The following MAP7 variants were observed in gnomAD, a reference collection of about 807,000 sequenced individuals.
MAP7 encodes microtubule associated protein 7.
Under a neutral mutation model 94.8 loss-of-function variants are expected in MAP7, and 52 were observed. The ratio of observed to expected loss-of-function variants is 0.55; its 90% CI spans 0.44 to 0.69. MAP7 has a LOEUF of 0.69. MAP7 is among the 30% of genes least tolerant of loss of function. MAP7 has a pLI of 0.00. For synonymous variants in MAP7, 350 were observed against 357.0 expected (o/e 0.98, Z 0.22); for missense variants, 940 against 964.6 (o/e 0.97, Z 0.34).
chr6:136,349,467 G>A (rs762965090), intron 16 of MAP7, among the ~76,000 whole-genome samples: 6 of 151,984 alleles, frequency 3.9e-5, no homozygotes, highest in Non-Finnish European at 8.8e-5. Context: ...TCAATTCCCT[G>A]GGCTCAGGCG....
intron 7 of MAP7, among the ~76,000 whole-genome samples, chr6:136,374,393 A>G (rs1775473935): frequency 6.6e-6 from 1 of 152,204 alleles, no homozygotes; most frequent in Non-Finnish European, 1.5e-5. Context: ...TGCATTTAAG[A>G]AATAACATCC....
At chr6:136,422,303 G>A (rs2076194) in intron 1 of MAP7, among the ~76,000 whole-genome samples, 99,998 of 152,034 alleles carry the variant, frequency 0.66, 33,302 homozygotes, top group South Asian at 0.79. Flanking sequence ...CATGGAAATC[G>A]AAAAGACTTC....
chr6:136,505,428 C>T (rs576565082), intron 1 of MAP7, among the ~76,000 whole-genome samples: 3 of 150,908 alleles, frequency 2.0e-5, no homozygotes, highest in African/African-American at 7.3e-5. Flanking sequence ...TTTAGTGTCC[C>T]CATTTTTGTG....
At chr6:136,418,052 G>A (rs2128759135) in intron 2 of MAP7, among the ~76,000 whole-genome samples, 1 of 152,322 alleles carries the variant, frequency 6.6e-6, no homozygotes, top group South Asian at 2.1e-4. Flanking sequence ...CACTTCTTCA[G>A]GAACTAGCAG....
intron 1 of MAP7, among the ~76,000 whole-genome samples, chr6:136,538,819 A>G (rs1006944996): frequency 8.0e-5 from 12 of 149,414 alleles, no homozygotes; most frequent in African/African-American, 2.7e-4. Flanking sequence ...AAAAAAAAAA[A>G]AGCCAAGAAG....
chr6:136,496,965 T>A (rs893822569), intron 1 of MAP7, among the ~76,000 whole-genome samples: 5 of 150,700 alleles, frequency 3.3e-5, no homozygotes, highest in Non-Finnish European at 4.4e-5. Context: ...AAAAAAAAAA[T>A]AAATGAATAA....
intron 16 of MAP7, among the ~76,000 whole-genome samples, chr6:136,350,793 G>C (rs1041058391): frequency 6.6e-6 from 1 of 152,164 alleles, no homozygotes; most frequent in South Asian, 2.1e-4. Flanking sequence ...AGGAGGTAGA[G>C]GCTGCAGTGA....
chr6:136,432,555 G>A (rs139237087), intron 1 of MAP7, among the ~76,000 whole-genome samples: 75 of 152,180 alleles, frequency 4.9e-4, no homozygotes, highest in Middle Eastern at 3.4e-3. Flanking sequence ...AAGGTTCCCC[G>A]ATCAAACCCA....
chr6:136,362,149 G>T (rs1792988227), intron 11 of MAP7, among the ~76,000 whole-genome samples: 2 of 151,992 alleles, frequency 1.3e-5, no homozygotes, highest in South Asian at 4.1e-4. Flanking sequence ...GGCTGGGCAT[G>T]GTGGCTCATG....
intron 3 of MAP7, among the ~76,000 whole-genome samples, chr6:136,391,254 A>G (rs573709098): frequency 6.6e-6 from 1 of 151,196 alleles, no homozygotes; most frequent in African/African-American, 2.4e-5. Flanking sequence ...CTTTGTAGGG[A>G]CATGGATGAA....
intron 1 of MAP7, among the ~76,000 whole-genome samples, chr6:136,549,586 G>T (rs968286219): frequency 2.0e-5 from 3 of 152,150 alleles, no homozygotes; most frequent in African/African-American, 7.2e-5. Flanking sequence ...TGGGGGAGGG[G>T]TATCCTCAAC....
chr6:136,384,939 A>G (rs1290499315), intron 5 of MAP7, among the ~76,000 whole-genome samples: 2 of 152,214 alleles, frequency 1.3e-5, no homozygotes, highest in Non-Finnish European at 2.9e-5. Context: ...ATGAAAGTCT[A>G]AAAAGTCTTA....
At position 136,550,043 on chromosome 6, in the gene MAP7, GTC is replaced by G. The variant is rs1406262562; in HGVS notation, c.67+297_67+298del. ...CGCGGCGGGGAGGGCAGCGGCCGGG[GTC>G]TCTCCGTTTCCTCCCCCGGCTCGCC... On this transcript the variant is annotated intron_variant, in intron 1 of 17. Transcript: ENST00000354570. The surrounding 1 kb of genome is among the most constrained non-coding windows in gnomAD (Gnocchi z 5.1). 6.6e-6 allele frequency among the ~76,000 whole-genome samples: 1 copy of G among 151,752 alleles called. No individual in the cohort carries two copies. Among genetic ancestry groups the G allele is most frequent in the Non-Finnish European group, 1.5e-5 (1 of 67,866 alleles).
chr6:136,430,319 C>T (rs1794527949), intron 1 of MAP7, among the ~76,000 whole-genome samples: 1 of 152,124 alleles, frequency 6.6e-6, no homozygotes, highest in Non-Finnish European at 1.5e-5. Context: ...CAGTATTTTA[C>T]AAAATGATTA....
intron 1 of MAP7, among the ~76,000 whole-genome samples, chr6:136,495,178 T>C (rs573256482): frequency 6.6e-6 from 1 of 152,272 alleles, no homozygotes; most frequent in East Asian, 1.9e-4. Flanking sequence ...CTTGAACATG[T>C]AGAAAATTGA....
chr6:136,382,973 A>G (rs1437835367), intron 6 of MAP7, among the ~76,000 whole-genome samples: 1 of 152,202 alleles, frequency 6.6e-6, no homozygotes, highest in Non-Finnish European at 1.5e-5. Flanking sequence ...TCTATGATCT[A>G]TGTAAAACAA....
At chr6:136,476,311 C>T (rs1312424251) in intron 1 of MAP7, among the ~76,000 whole-genome samples, 1 of 152,130 alleles carries the variant, frequency 6.6e-6, no homozygotes, top group Non-Finnish European at 1.5e-5. Context: ...GGGTAGCCTC[C>T]AGCCACATGT....
At chr6:136,517,705 C>A (rs1825262760) in intron 1 of MAP7, among the ~76,000 whole-genome samples, 1 of 152,060 alleles carries the variant, frequency 6.6e-6, no homozygotes, top group Non-Finnish European at 1.5e-5. Flanking sequence ...GCACTTTTTT[C>A]ACAGTTTCTC....
At chr6:136,400,714 G>T (rs73565424) in intron 3 of MAP7, among the ~76,000 whole-genome samples, 5,590 of 152,236 alleles carry the variant, frequency 0.037, 241 homozygotes, top group African/African-American at 0.1. Context: ...TCCAAGATCA[G>T]CACATGGTCT....
Sources: gnomAD v4.1 joint callset for allele counts (sites outside exome capture counted in the v4.1 genomes callset) on GRCh38, gnomAD v4.1.1 for gene constraint, Gnocchi (gnomAD v3.1) non-coding constraint, MANE v1.5 for transcripts, NCBI Gene and HGNC (gene_info 2026-07-23, HGNC 2026-07-21) for gene names.